Variants in OR4K17 observed in about 807,000 individuals in gnomAD.
The protein encoded by OR4K17 is olfactory receptor 4K17.
For synonymous variants in OR4K17, 157 were observed against 132.8 expected (o/e 1.18, Z -1.25); for missense variants, 480 against 366.3 (o/e 1.31, Z -2.53).
intron 1 of OR4K17, among the ~76,000 whole-genome samples, chr14:20,116,353 GAC>G (rs925438574): frequency 2.0e-5 from 3 of 151,816 alleles, no homozygotes; most frequent in African/African-American, 7.3e-5. Context: ...GACACACACA[GAC>G]ACACACACAT....
At position 20,120,516 on chromosome 14, in the gene OR4K17, G is replaced by A. The variant is rs1232687987; in HGVS notation, c.*2078G>A. 1 of 152,192 alleles carries A rather than the reference G, an allele frequency of 6.6e-6. No individual in the cohort carries two copies. The highest frequency in any genetic ancestry group is 1.5e-5 in the Non-Finnish European group (1 of 68,052). 9.4% of individuals were successfully genotyped at this position (152,192 alleles called of 1,614,324 possible). On this transcript the variant is annotated 3_prime_UTR_variant, in exon 2 of 2. Coordinates refer to ENST00000641386, the MANE Select transcript of OR4K17 (RefSeq NM_001004715.5). ...GTTTTCTTGTGTGACTGTGTGCTGA[G>A]CACCGGCTCAGCCACCATAGAGAAT...
chr14:20,112,731 C>G (rs141389554), intron 1 of OR4K17, among the ~76,000 whole-genome samples: 7 of 151,928 alleles, frequency 4.6e-5, no homozygotes, highest in Admixed American at 3.3e-4. Flanking sequence ...AGGTGAGACA[C>G]GGCAGGCAGG....
Position 20,118,074 on chromosome 14 carries a change from T to A in OR4K17, c.575T>A (p.Ile192Lys). ...GTTACTAAGCTTGCCTGTATAGACA[T>A]ATATTTTGTACAGGTAGTCATTGTT... ...PLVTKLACID[I>K]YFVQVVIVAN... Residue 192 changes from isoleucine (I) to lysine (K), a missense_variant, in exon 2 of 2, where the codon ATA (isoleucine) becomes AAA (lysine). Physicochemically the swap from Ile to Lys is moderately radical, Grantham distance 102 (BLOSUM62 -3). Transcript: ENST00000641386. 1 of 1,614,106 alleles carries A rather than the reference T, an allele frequency of 6.2e-7. No homozygotes were observed. The highest frequency in any genetic ancestry group is 8.5e-7 in the Non-Finnish European group (1 of 1,179,968).
chr14:20,118,200 C>A lies in OR4K17; in HGVS notation c.701C>A (p.Ser234Tyr). Reference protein sequence around the residue: ...TIKNHSPTGQSKARSTLTAHI... With the variant: ...TIKNHSPTGQYKARSTLTAHI... ...AAGAACCACTCTCCTACTGGGCAATCTAAAGCCCGTTCCACTTTGACTGCT... is the reference window on the plus strand; with the variant it reads ...AAGAACCACTCTCCTACTGGGCAATATAAAGCCCGTTCCACTTTGACTGCT... Residue 234 changes from serine to tyrosine, a missense_variant, in exon 2 of 2, where the codon TCT (serine) becomes TAT (tyrosine). Coordinates refer to ENST00000641386, the MANE Select transcript of OR4K17 (RefSeq NM_001004715.5). 1 of 1,613,984 alleles carries A rather than the reference C, an allele frequency of 6.2e-7. No homozygotes were observed. The highest frequency in any genetic ancestry group is 8.5e-7 in the Non-Finnish European group (1 of 1,179,846).
intron 1 of OR4K17, among the ~76,000 whole-genome samples, chr14:20,113,468 A>G (rs1282994339): frequency 1.3e-5 from 2 of 152,030 alleles, no homozygotes; most frequent in Non-Finnish European, 2.9e-5. Context: ...TAGTAGTAAG[A>G]ATAGTAGCAA....
intron 1 of OR4K17, among the ~76,000 whole-genome samples, chr14:20,112,659 G>T (rs567975113): frequency 6.6e-6 from 1 of 152,156 alleles, no homozygotes; most frequent in East Asian, 1.9e-4. Context: ...CAGAGCACCA[G>T]CTCAAGTCCT....
In OR4K17 at chr14:20,118,393, GA is replaced by G. The variant is rs1202978308; in HGVS notation, c.900del (p.Lys300AsnfsTer7). The G allele has an allele frequency of 3.1e-6, 5 of 1,605,444 alleles. No individual in the cohort carries two copies. The highest frequency in any genetic ancestry group is 1.7e-5 in the Admixed American group (1 of 58,520). On this transcript the variant is annotated frameshift_variant, in exon 2 of 2. Transcript: ENST00000641386. LOFTEE classifies it low-confidence loss of function (END_TRUNC). ...GAAACAAAGAAATGAAGATATCCAT[GA>G]AAAAACTCTGGAGAGCTTTTGTGAA... ...LRNKEMKISM[K>X]KLWRAFVNSR...
chr14:20,118,067 A>G lies in OR4K17; in HGVS notation c.568A>G (p.Ile190Val), dbSNP rs777720843. The G allele has an allele frequency of 5.6e-6, 9 of 1,614,010 alleles. No individual in the cohort carries two copies. In the South Asian group the frequency reaches 7.7e-5, roughly 14 times the overall value. The change falls in exon 2 of 2, where the codon ATA (isoleucine) becomes GTA (valine). Residue 190 changes from isoleucine (I) to valine (V), a missense_variant. Coordinates refer to ENST00000641386, the MANE Select transcript of OR4K17 (RefSeq NM_001004715.5). The part of the protein sequence containing the change: ...DLPLVTKLAC[I>V]DIYFVQVVIV... ...CCCTTTGGTTACTAAGCTTGCCTGT[A>G]TAGACATATATTTTGTACAGGTAGT...
At position 20,119,048 on chromosome 14, in the gene OR4K17, C is replaced by G. The variant is rs1878094515; in HGVS notation, c.*610C>G. Reference sequence around the variant, plus strand: ...TTGCCAGAGCGGCCATTTTAGAGACCTCCCCCTAGGAATGCATTCTCCTTC... The same window carrying G: ...TTGCCAGAGCGGCCATTTTAGAGACGTCCCCCTAGGAATGCATTCTCCTTC... On this transcript the variant is annotated 3_prime_UTR_variant, in exon 2 of 2. Coordinates refer to ENST00000641386, the MANE Select transcript of OR4K17 (RefSeq NM_001004715.5). 1 of 152,196 alleles carries G rather than the reference C, an allele frequency of 6.6e-6. No individual in the cohort carries two copies. Among genetic ancestry groups the G allele is most frequent in the Non-Finnish European group, 1.5e-5 (1 of 68,058 alleles). 9.4% of individuals were successfully genotyped at this position (152,196 alleles called of 1,614,324 possible). A position where few individuals can be genotyped will look rare whatever the true frequency, so the allele number is the denominator to read the frequency against.
chr14:20,119,279 AC>A lies in OR4K17; in HGVS notation c.*842del, dbSNP rs1878101798. On this transcript the variant is annotated 3_prime_UTR_variant, in exon 2 of 2. Transcript: ENST00000641386. The stretch of plus-strand genomic sequence containing the variant: ...TTGTTTAAACACACATGCTTTATGA[AC>A]AATTTGTGCCATTAACATAATCATC... The A allele has an allele frequency of 6.6e-6, 1 of 152,186 alleles. No homozygotes were observed. The highest frequency in any genetic ancestry group is 2.4e-5 in the African/African-American group (1 of 41,442). The allele number at this position is 152,186 out of a possible 1,614,324, so 9.4% of individuals were successfully genotyped here.
At chr14:20,112,303 T>C (rs1485490078) in intron 1 of OR4K17, among the ~76,000 whole-genome samples, 1 of 152,078 alleles carries the variant, frequency 6.6e-6, no homozygotes, top group Non-Finnish European at 1.5e-5. Context: ...TATCTTGGCC[T>C]CACACAGATA....
chr14:20,113,231 T>C (rs1877918794), intron 1 of OR4K17, among the ~76,000 whole-genome samples: 1 of 152,074 alleles, frequency 6.6e-6, no homozygotes, highest in Non-Finnish European at 1.5e-5. Context: ...TAAATCAATG[T>C]CTAAGTGTGA....
At position 20,117,509 on chromosome 14, in the gene OR4K17, T is replaced by C. The variant is rs949771513; in HGVS notation, c.10T>C (p.Leu4=). The part of the protein sequence containing the change: MKL[L]NQSQVSEFIL... ...CTGTAGGATGGAGGCCATGAAACTA[T>C]TAAATCAATCTCAAGTGTCAGAATT... Residue 4 remains leucine (L), a synonymous_variant, in exon 2 of 2, where the codon TTA becomes CTA. Transcript: ENST00000641386. 5.6e-6 allele frequency: 9 copies of C among 1,613,768 alleles called. No homozygotes were observed. The highest frequency in any genetic ancestry group is 7.6e-6 in the Non-Finnish European group (9 of 1,179,816).
rs966416395 is a variant in OR4K17, at chr14:20,117,923, GT to G, written c.428del (p.Leu143CysfsTer3). ...GACCATCATGAACAAGAAGGTATGT[GT>G]TTTGCTTGTAGTGACCTCATGGCTC... Reference protein sequence around the residue: ...YMTIMNKKVCVLLVVTSWLLG... With the variant: ...YMTIMNKKVCXLLVVTSWLLG... On this transcript the variant is annotated frameshift_variant, in exon 2 of 2. Transcript: ENST00000641386. LOFTEE classifies it low-confidence loss of function (END_TRUNC). The G allele has an allele frequency of 1.2e-6, 2 of 1,613,970 alleles. No homozygotes were observed. The highest frequency in any genetic ancestry group is 2.7e-5 in the African/African-American group (2 of 74,888).
In OR4K17 at chr14:20,117,968, G is replaced by T; in HGVS notation, c.469G>T (p.Gly157Trp). Residue 157 changes from glycine (G) to tryptophan (W), a missense_variant, in exon 2 of 2, where the codon GGG (glycine) becomes TGG (tryptophan). Transcript: ENST00000641386. Reference protein sequence around the residue: ...TSWLLGLLHSGFQIPFAVNLP... With the variant: ...TSWLLGLLHSWFQIPFAVNLP... ...ATGGCTCTTGGGTCTCCTTCACTCAGGGTTTCAGATACCATTTGCTGTGAA... is the reference window on the plus strand; with the variant it reads ...ATGGCTCTTGGGTCTCCTTCACTCATGGTTTCAGATACCATTTGCTGTGAA... 1 of 1,614,046 alleles carries T rather than the reference G, an allele frequency of 6.2e-7. No homozygotes were observed. Among genetic ancestry groups the T allele is most frequent in the Non-Finnish European group, 8.5e-7 (1 of 1,180,010 alleles).
At chr14:20,114,898 ATAC>A (rs1877954316) in intron 1 of OR4K17, among the ~76,000 whole-genome samples, 1 of 152,088 alleles carries the variant, frequency 6.6e-6, no homozygotes, top group Non-Finnish European at 1.5e-5. Flanking sequence ...TTACAAATAA[ATAC>A]TACTTGATTT....
chr14:20,117,707 G>A lies in OR4K17; in HGVS notation c.208G>A (p.Asp70Asn), dbSNP rs905597751. 1.2e-6 allele frequency: 2 copies of A among 1,613,970 alleles called. No homozygotes were observed. Among genetic ancestry groups the A allele is most frequent in the African/African-American group, 2.7e-5 (2 of 74,994 alleles). ...TCTCCTTGGTAATCTCTCTTTTGTA[G>A]ATATGACCCTTGCTTCTTTTGCCAC... ...YFLLGNLSFV[D>N]MTLASFATPK... The change falls in exon 2 of 2, where the codon GAT (aspartate) becomes AAT (asparagine). Residue 70 changes from aspartate to asparagine, a missense_variant. By Grantham distance (23) the Asp-to-Asn change is conservative. Transcript: ENST00000641386.
In OR4K17 at chr14:20,117,448, T is replaced by G; in HGVS notation, c.-32-20T>G. ...CACTCATACTCCATGGTATGAGTGA[T>G]CTTTTCTTTCTCTCTACAGGTCATC... On this transcript the variant is annotated intron_variant, in intron 1 of 1. Transcript: ENST00000641386. 3 of 1,611,536 alleles carry G rather than the reference T, an allele frequency of 1.9e-6. No homozygotes were observed. The Admixed American group carries it at 5.1e-5, about 27-fold the overall frequency.
In OR4K17 at chr14:20,117,592, C is replaced by T. The variant is rs761450836; in HGVS notation, c.93C>T (p.Phe31=). Residue 31 remains phenylalanine, a synonymous_variant, in exon 2 of 2, where the codon TTC becomes TTT. Coordinates refer to ENST00000641386, the MANE Select transcript of OR4K17 (RefSeq NM_001004715.5). ...QDVEFLLFAL[F]SVIYVVTVLG... is the part of the protein sequence containing the mutation. ...TAGAGTTTCTTCTCTTTGCCCTCTTCTCGGTTATCTATGTGGTCACAGTTT... is the reference window on the plus strand; with the variant it reads ...TAGAGTTTCTTCTCTTTGCCCTCTTTTCGGTTATCTATGTGGTCACAGTTT... 1 of 1,613,984 alleles carries T rather than the reference C, an allele frequency of 6.2e-7. No homozygotes were observed. Among genetic ancestry groups the T allele is most frequent in the Non-Finnish European group, 8.5e-7 (1 of 1,179,968 alleles).
Sources: gnomAD v4.1 joint callset for allele counts (sites outside exome capture counted in the v4.1 genomes callset) on GRCh38, gnomAD v4.1.1 for gene constraint, MANE v1.5 for transcripts, NCBI Gene and HGNC (gene_info 2026-07-23, HGNC 2026-07-21) for gene names.